The following USP24 variants were observed in gnomAD, a reference collection of about 807,000 sequenced individuals.
The protein encoded by USP24 is ubiquitin carboxyl-terminal hydrolase 24.
Under a neutral mutation model 361.6 loss-of-function variants are expected in USP24, and 97 were observed. That is an observed-to-expected ratio of 0.27 (90% confidence interval 0.23 to 0.32). The LOEUF (loss-of-function observed/expected upper bound fraction) is 0.32, where lower values mean the gene tolerates loss of function less well. USP24 is among the 10% of genes least tolerant of loss of function. The probability of loss-of-function intolerance (pLI) is 1.00; values close to 1 mark genes in which losing one functional copy is unlikely to be tolerated. For missense variants in USP24, 2,353 were observed against 3,165.6 expected (o/e 0.74, Z 6.16); for synonymous variants, 1,098 against 1,124.6 (o/e 0.98, Z 0.47).
At chr1:55,211,400 A>G (rs1644843395) in intron 1 of USP24, among the ~76,000 whole-genome samples, 1 of 152,218 alleles carries the variant, frequency 6.6e-6, no homozygotes, top group South Asian at 2.1e-4. Flanking sequence ...GTGAGAACCA[A>G]ACACATCTCT....
intron 12 of USP24, among the ~76,000 whole-genome samples, chr1:55,155,975 G>T (rs751991991): frequency 2.0e-5 from 3 of 151,936 alleles, no homozygotes; most frequent in Non-Finnish European, 4.4e-5. Flanking sequence ...CCTTACTTAG[G>T]AAGACTTTTG....
At chr1:55,075,645 C>T in intron 62 of USP24, 122 bp from the exon 63 acceptor site, 1 of 494,066 alleles carries the variant, frequency 2.0e-6, no homozygotes, top group Non-Finnish European at 3.3e-6. Flanking sequence ...ACAACAACAA[C>T]AACAACAACA....
chr1:55,137,478 A>T (rs1314755694), intron 28 of USP24, 37 bp downstream of exon 28: 3 of 1,596,538 alleles, frequency 1.9e-6, no homozygotes, highest in Non-Finnish European at 2.6e-6. Flanking sequence ...GTGACTGTTA[A>T]GTTCTTGTTT....
chr1:55,072,167 GTTTTC>G (rs1322330769), intron 66 of USP24, 145 bp downstream of exon 66: 26 of 729,936 alleles, frequency 3.6e-5, no homozygotes, highest in South Asian at 1.5e-4. Flanking sequence ...ACACCAATCT[GTTTTC>G]TTTTCATAGA....
intron 3 of USP24, among the ~76,000 whole-genome samples, chr1:55,175,890 T>C (rs1033504495): frequency 2.6e-5 from 4 of 152,212 alleles, no homozygotes; most frequent in Admixed American, 2.0e-4. Flanking sequence ...CTGGCTCTAA[T>C]AGAGATGGTG....
At chr1:55,157,139 C>G (rs756596060) in intron 11 of USP24, 88 bp from the exon 12 acceptor site, 139 of 1,385,852 alleles carry the variant, frequency 1.0e-4, no homozygotes, top group Non-Finnish European at 1.3e-4. Context: ...CAATAACTTA[C>G]TATAAGATCA....
chr1:55,184,271 G>A (rs957137064), intron 1 of USP24, among the ~76,000 whole-genome samples: 1 of 152,028 alleles, frequency 6.6e-6, no homozygotes, highest in African/African-American at 2.4e-5. Flanking sequence ...TGCCGAGGCT[G>A]GTCTCAAACT....
At chr1:55,076,470 G>C (rs1369270742) in intron 62 of USP24, among the ~76,000 whole-genome samples, 1 of 152,112 alleles carries the variant, frequency 6.6e-6, no homozygotes, top group Admixed American at 6.6e-5. Context: ...GGCCTCTATG[G>C]AGTATCAAGA....
intron 3 of USP24, among the ~76,000 whole-genome samples, chr1:55,174,944 T>A (rs913286923): frequency 6.6e-6 from 1 of 152,220 alleles, no homozygotes; most frequent in Non-Finnish European, 1.5e-5. Flanking sequence ...TTGGATTTTT[T>A]AAAAGCTGCT....
chr1:55,134,272 G>T, intron 29 of USP24, 56 bp downstream of exon 29: 2 of 1,567,034 alleles, frequency 1.3e-6, no homozygotes, highest in Non-Finnish European at 1.7e-6. Flanking sequence ...AAGTTACTTG[G>T]CTCCCTAATG....
Position 55,075,461 on chromosome 1 carries a change from T to G in USP24, c.7443A>C (p.Leu2481Phe). The G allele has an allele frequency of 1.9e-6, 3 of 1,601,836 alleles. No individual in the cohort carries two copies. The highest frequency in any genetic ancestry group is 2.6e-6 in the Non-Finnish European group (3 of 1,173,976). The change falls in exon 63 of 68, where the codon TTA becomes TTC. Residue 2481 changes from leucine (L) to phenylalanine (F), a missense_variant. Physicochemically the swap from Leu to Phe is conservative, Grantham distance 22. Around this residue, in one of 8 missense-constraint regions of USP24, gnomAD observed 598 missense variants for 761.9 expected, o/e 0.78. Coordinates refer to ENST00000294383, the MANE Select transcript of USP24 (RefSeq NM_015306.3). ...CATAAGACCAGGCATACTTGCCTAG[T>G]AATCCATTTTCTGTCTCAAACACAA... ...VKFVFETENG[L>F]LALMHHSNHV...
rs1432258963 is a variant in USP24 at position 55,154,355 on chromosome 1, C to T, written c.1650+16G>A. On this transcript the variant is annotated intron_variant, in intron 14 of 67. Transcript: ENST00000294383. ...TTGAGCATTTGTAGCTAGAAAAATCCATTTGATTCTCCTGCCTTTCCAGAA... is the reference window on the plus strand; with the variant it reads ...TTGAGCATTTGTAGCTAGAAAAATCTATTTGATTCTCCTGCCTTTCCAGAA... 2.6e-6 allele frequency: 4 copies of T among 1,553,622 alleles called. No individual in the cohort carries two copies. Among genetic ancestry groups the T allele is most frequent in the Non-Finnish European group, 3.5e-6 (4 of 1,148,102 alleles).
chr1:55,080,917 G>C (rs1645136157), intron 59 of USP24, among the ~76,000 whole-genome samples: 1 of 151,946 alleles, frequency 6.6e-6, no homozygotes, highest in Non-Finnish European at 1.5e-5. Context: ...ATTATACCTG[G>C]GGAATTATGT....
At chr1:55,106,064 T>G in intron 41 of USP24, 82 bp downstream of exon 41, 1 of 1,090,036 alleles carries the variant, frequency 9.2e-7, no homozygotes. Context: ...GAAGACAAAC[T>G]CCAAGTTAAC....
At chr1:55,129,076 C>G (rs745307923) in intron 32 of USP24, among the ~76,000 whole-genome samples, 1 of 152,198 alleles carries the variant, frequency 6.6e-6, no homozygotes, top group Admixed American at 6.5e-5. Context: ...GTTAAACCAT[C>G]AGCTGCCTCT....
At position 55,146,980 on chromosome 1, in the gene USP24, C is replaced by A. The variant is rs369967697; in HGVS notation, c.2199G>T (p.Glu733Asp). Reference sequence around the variant, plus strand: ...GGCCAGTTACAAGACACTCCCAGATCTCCTTGGCACGATTCCAGCCCAGAT... The same window carrying A: ...GGCCAGTTACAAGACACTCCCAGATATCCTTGGCACGATTCCAGCCCAGAT... ...TLYLGWNRAK[E>D]IWECLVTGQD... The change falls in exon 19 of 68, where the codon GAG (glutamate) becomes GAT (aspartate). Residue 733 changes from glutamate to aspartate, a missense_variant. Glu to Asp is a conservative substitution (Grantham distance 45, BLOSUM62 2). Transcript: ENST00000294383. The A allele has an allele frequency of 1.6e-5, 25 of 1,610,718 alleles. No individual in the cohort carries two copies. The highest frequency in any genetic ancestry group is 5.5e-5 in the South Asian group (5 of 90,810).
intron 16 of USP24, chr1:55,151,999 GAA>G: frequency 5.1e-6 from 5 of 985,642 alleles, no homozygotes; most frequent in Non-Finnish European, 6.0e-6. Flanking sequence ...GCATAGCATA[GAA>G]AAACACCTTT....
chr1:55,137,882 C>G lies in USP24; in HGVS notation c.2951G>C (p.Gly984Ala). ...CTTGGCTATTTTCCACCGGACACTC[C>G]CTATGGTTTCATTACTGTGAGCCTG... Reference protein sequence around the residue: ...TVEAHSNETIGSVRWKIAKQL... With the variant: ...TVEAHSNETIASVRWKIAKQL... Residue 984 changes from glycine (G) to alanine (A), a missense_variant, in exon 27 of 68, where the codon GGG (glycine) becomes GCG (alanine). Physicochemically the swap from Gly to Ala is moderately conservative, Grantham distance 60. This residue lies in a region of USP24 where 949 missense variants were observed against 1,280.5 expected (regional missense o/e 0.74). Transcript: ENST00000294383. 6.3e-7 allele frequency: 1 copy of G among 1,592,086 alleles called. No homozygotes were observed. Among genetic ancestry groups the G allele is most frequent in the Non-Finnish European group, 8.6e-7 (1 of 1,168,116 alleles).
Position 55,138,726 on chromosome 1 carries a change from A to C in USP24, c.2818-8T>G. The C allele has an allele frequency of 2.5e-6, 4 of 1,597,520 alleles. No individual in the cohort carries two copies. The highest frequency in any genetic ancestry group is 3.4e-6 in the Non-Finnish European group (4 of 1,166,810). ...TGGAACAGAGTAAAAATCCTTAAAA[A>C]ACGAATAAGTCAAGTCAGATGGACA... On this transcript the variant is annotated splice_region_variant and splice_polypyrimidine_tract_variant and intron_variant, in intron 25 of 67. Transcript: ENST00000294383.
Sources: allele counts gnomAD v4.1 joint callset (sites outside exome capture counted in the v4.1 genomes callset), GRCh38; gene constraint gnomAD v4.1.1; regional missense constraint gnomAD v4.1.1; transcripts MANE v1.5; gene names NCBI Gene and HGNC (gene_info 2026-07-23, HGNC 2026-07-21).